Variants in DCC observed in about 807,000 individuals in gnomAD.
DCC encodes DCC netrin 1 receptor, also known as netrin receptor DCC.
Under a neutral mutation model 172.5 loss-of-function variants are expected in DCC, and 58 were observed. That is an observed-to-expected ratio of 0.34 (90% confidence interval 0.27 to 0.42). The LOEUF (loss-of-function observed/expected upper bound fraction) is 0.42. DCC is among the 10% of genes least tolerant of loss of function. The probability of loss-of-function intolerance (pLI) is 1.00; values close to 1 mark genes in which losing one functional copy is unlikely to be tolerated. For missense variants in DCC, 1,740 were observed against 1,791.0 expected (o/e 0.97, Z 0.51); for synonymous variants, 709 against 644.5 (o/e 1.10, Z -1.52).
intron 7 of DCC, among the ~76,000 whole-genome samples, chr18:53,096,485 T>G (rs2043089826): frequency 6.6e-6 from 1 of 151,918 alleles, no homozygotes; most frequent in South Asian, 2.1e-4. Flanking sequence ...AAAAGTAGAG[T>G]TTGAATTTGC....
In DCC at chr18:53,361,353, C is replaced by G. The variant is rs1456376356; in HGVS notation, c.2359+21446C>G. On this transcript the variant is annotated intron_variant, in intron 15 of 28. Coordinates refer to ENST00000442544, the MANE Select transcript of DCC (RefSeq NM_005215.4). ...AACCGTAGTTGTTGGACTTTCCCCCCCAATCTCCTAAACATTGTTTTTTAA... is the reference window on the plus strand; with the variant it reads ...AACCGTAGTTGTTGGACTTTCCCCCGCAATCTCCTAAACATTGTTTTTTAA... 2.0e-5 allele frequency among the ~76,000 whole-genome samples: 3 copies of G among 152,150 alleles called. No homozygotes were observed. In the South Asian group the frequency reaches 6.2e-4, roughly 32 times the overall value.
At chr18:52,518,935 T>G (rs538670588) in intron 1 of DCC, among the ~76,000 whole-genome samples, 30 of 152,366 alleles carry the variant, frequency 2.0e-4, no homozygotes, top group Admixed American at 1.3e-4. Flanking sequence ...TTTGAGGTCC[T>G]GATTAATTTG....
chr18:52,657,144 C>A (rs1277410340), intron 1 of DCC, among the ~76,000 whole-genome samples: 1 of 152,160 alleles, frequency 6.6e-6, no homozygotes, highest in Non-Finnish European at 1.5e-5. Context: ...GAGACAAAAA[C>A]CAAGCTGTTC....
intron 5 of DCC, among the ~76,000 whole-genome samples, chr18:52,988,609 C>T (rs1334745352): frequency 6.6e-6 from 1 of 151,874 alleles, no homozygotes; most frequent in Admixed American, 6.6e-5. Context: ...GTAATATAAG[C>T]ATTGTAGATA....
At chr18:52,902,120 G>A (rs1023820758) in intron 2 of DCC, among the ~76,000 whole-genome samples, 1 of 152,158 alleles carries the variant, frequency 6.6e-6, no homozygotes, top group Admixed American at 6.6e-5. Context: ...CCATGTTTAG[G>A]ACATCTACAA....
chr18:53,479,249 T>C (rs1261231882), intron 25 of DCC, among the ~76,000 whole-genome samples: 3 of 152,242 alleles, frequency 2.0e-5, no homozygotes, highest in Non-Finnish European at 4.4e-5. Context: ...TCATTATCAA[T>C]ATCAGTTTTT....
At chr18:53,502,585 A>C (rs2046116810) in intron 27 of DCC, among the ~76,000 whole-genome samples, 1 of 152,176 alleles carries the variant, frequency 6.6e-6, no homozygotes, top group South Asian at 2.1e-4. Flanking sequence ...CCTCAAACCG[A>C]TTGATGAAGT....
intron 5 of DCC, among the ~76,000 whole-genome samples, chr18:52,995,316 TCAG>T (rs2041460666): frequency 6.6e-6 from 1 of 152,112 alleles, no homozygotes; most frequent in Non-Finnish European, 1.5e-5. Flanking sequence ...AGATTTAAAG[TCAG>T]CAGCAAGAAG....
At chr18:52,803,075 A>C (rs2038024096) in intron 2 of DCC, among the ~76,000 whole-genome samples, 1 of 152,190 alleles carries the variant, frequency 6.6e-6, no homozygotes, top group South Asian at 2.1e-4. Context: ...TGCAGAGGTC[A>C]ATCTACAGTA....
chr18:52,701,641 A>G (rs1182839346), intron 1 of DCC, among the ~76,000 whole-genome samples: 1 of 152,206 alleles, frequency 6.6e-6, no homozygotes, highest in Non-Finnish European at 1.5e-5. Context: ...CAGTGCCCAT[A>G]TGAATGGTTG....
intron 12 of DCC, 114 bp downstream of exon 12, chr18:53,215,711 A>C: frequency 2.4e-6 from 2 of 847,942 alleles, no homozygotes; most frequent in Non-Finnish European, 4.1e-6. Flanking sequence ...CATGTGCAGA[A>C]ATGTTCTGGA....
At chr18:53,184,154 CT>C (rs143048903) in intron 9 of DCC, among the ~76,000 whole-genome samples, 4,208 of 152,066 alleles carry the variant, frequency 0.028, 62 homozygotes, top group Admixed American at 0.046. Flanking sequence ...TAGTTTAGAA[CT>C]AGCTTGATCA....
chr18:53,219,091 G>A lies in DCC; in HGVS notation c.1911+3494G>A, dbSNP rs548026684. Among the ~76,000 whole-genome samples the A allele has an allele frequency of 1.7e-3, 266 of 152,180 alleles. 1 individual carries two copies. Among genetic ancestry groups the A allele is most frequent in the Non-Finnish European group, 3.0e-3 (205 of 67,978 alleles). On this transcript the variant is annotated intron_variant, in intron 12 of 28. Transcript: ENST00000442544. ...TTTATTCAACACTTACTCTGTACCT[G>A]TTTTAATGTCATACATAATAAGGAA...
At chr18:53,176,654 G>A (rs1427259476) in intron 8 of DCC, among the ~76,000 whole-genome samples, 2 of 152,116 alleles carry the variant, frequency 1.3e-5, no homozygotes, top group African/African-American at 4.8e-5. Context: ...AGTTAGAATG[G>A]CAATCACTAA....
At chr18:52,788,064 A>G (rs2037691532) in intron 2 of DCC, among the ~76,000 whole-genome samples, 1 of 152,192 alleles carries the variant, frequency 6.6e-6, no homozygotes, top group Admixed American at 6.6e-5. Flanking sequence ...TGCTCAATTT[A>G]TAAAAAGACC....
intron 5 of DCC, among the ~76,000 whole-genome samples, chr18:52,991,139 C>T (rs62097899): frequency 0.33 from 49,619 of 151,940 alleles, 9,145 homozygotes; most frequent in Non-Finnish European, 0.43. Context: ...AACACCTTAT[C>T]GATGTATCAG....
intron 2 of DCC, among the ~76,000 whole-genome samples, chr18:52,860,366 G>A (rs906014017): frequency 6.6e-6 from 1 of 152,166 alleles, no homozygotes; most frequent in Non-Finnish European, 1.5e-5. Flanking sequence ...GAAAAGCACA[G>A]TTTTTGGTTT....
At chr18:53,142,873 CT>C (rs2043851641) in intron 7 of DCC, among the ~76,000 whole-genome samples, 1 of 152,140 alleles carries the variant, frequency 6.6e-6, no homozygotes, top group Non-Finnish European at 1.5e-5. Flanking sequence ...TCCCAGACTC[CT>C]TTTTCTGTAA....
At chr18:53,446,821 A>G (rs796075299) in intron 22 of DCC, among the ~76,000 whole-genome samples, 75 of 152,168 alleles carry the variant, frequency 4.9e-4, no homozygotes, top group African/African-American at 1.7e-3. Flanking sequence ...CTTTTTTGGT[A>G]TGTTTCTGCC....
Sources: gnomAD v4.1 joint callset for allele counts (sites outside exome capture counted in the v4.1 genomes callset) on GRCh38, gnomAD v4.1.1 for gene constraint, MANE v1.5 for transcripts, NCBI Gene and HGNC (gene_info 2026-07-23, HGNC 2026-07-21) for gene names.